Variants in B2M observed in about 807,000 individuals in gnomAD.
The protein encoded by B2M is beta chain of MHC class I molecules.
A neutral mutation model predicts 14.5 loss-of-function variants in B2M; 3 were observed. That is an observed-to-expected ratio of 0.21 (90% confidence interval 0.09 to 0.53). The LOEUF is 0.53. Ranked by LOEUF, B2M falls within the 20% of genes least tolerant of loss-of-function variation. The pLI is 0.95. For synonymous variants in B2M, 45 were observed against 52.7 expected (o/e 0.85, Z 0.64); for missense variants, 107 against 140.8 (o/e 0.76, Z 1.21).
At chr15:44,714,880 G>T in intron 1 of B2M, 1 of 194,930 alleles carries the variant, frequency 5.1e-6, no homozygotes, top group Non-Finnish European at 1.1e-5. Flanking sequence ...TAGAAAATCA[G>T]ATGGGTGTAG....
At chr15:44,716,403 G>A in intron 3 of B2M, 47 bp downstream of exon 3, 1 of 1,537,586 alleles carries the variant, frequency 6.5e-7, no homozygotes, top group Non-Finnish European at 9.0e-7. Flanking sequence ...CTGTCCTGAG[G>A]ACTATTTATA....
chr15:44,711,925 G>T, intron 1 of B2M: 1 of 540,122 alleles, frequency 1.9e-6, no homozygotes, highest in South Asian at 2.0e-5. Flanking sequence ...GAGGTTGGGG[G>T]AGGGTTTCTC....
intron 1 of B2M, chr15:44,713,340 A>T (rs1740523095): frequency 6.6e-6 from 1 of 152,240 alleles, no homozygotes; most frequent in Admixed American, 6.5e-5. Context: ...TAACAATCTG[A>T]TATTTAAAAA....
At chr15:44,716,175 C>T (rs1021894656) in intron 2 of B2M, 154 bp from the exon 3 acceptor site, 2 of 854,216 alleles carry the variant, frequency 2.3e-6, no homozygotes, top group Non-Finnish European at 3.7e-6. Flanking sequence ...GGGCTTGTTC[C>T]TGCTGGGTAG....
Position 44,715,519 on chromosome 15 carries a change from T to C in B2M, c.164T>C (p.Ile55Thr), listed in dbSNP as rs772710534. ...GTGTCTGGGTTTCATCCATCCGACA[T>C]TGAAGTTGACTTACTGAAGAATGGA... is the stretch of plus-strand genomic sequence containing the variant. The part of the protein sequence containing the change: ...CYVSGFHPSD[I>T]EVDLLKNGER... The change falls in exon 2 of 4, where the codon ATT becomes ACT. Residue 55 changes from isoleucine to threonine, a missense_variant. By Grantham distance (89) the Ile-to-Thr change is moderately conservative (BLOSUM62 -1). Transcript: ENST00000648006. 17 of 1,614,078 alleles carry C rather than the reference T, an allele frequency of 1.1e-5. No homozygotes were observed. The Admixed American group carries it at 2.0e-4, about 19-fold the overall frequency.
intron 1 of B2M, 103 bp downstream of exon 1, chr15:44,711,716 TCTC>T: frequency 2.9e-6 from 4 of 1,399,600 alleles, no homozygotes; most frequent in Non-Finnish European, 4.0e-6. Flanking sequence ...TTCTCCAAGT[TCTC>T]CTTGGTGGCC....
At chr15:44,716,828 A>G (rs1437460650) in intron 3 of B2M, 5 of 163,000 alleles carry the variant, frequency 3.1e-5, no homozygotes, top group African/African-American at 2.4e-5. Context: ...CCAGGCCACT[A>G]GAGGAGATAA....
intron 3 of B2M, 74 bp from the exon 4 acceptor site, chr15:44,717,533 T>C (rs895057313): frequency 2.6e-5 from 4 of 152,246 alleles, no homozygotes; most frequent in Non-Finnish European, 5.9e-5. Flanking sequence ...CAGTAGAAAT[T>C]AGACAAGTTT....
rs866666026 is a variant in B2M at position 44,711,700 on chromosome 15, C to G, written c.67+87C>G. 4.1e-6 allele frequency: 6 copies of G among 1,472,664 alleles called. No homozygotes were observed. The Middle Eastern group carries it at 5.2e-4, about 127-fold the overall frequency. The allele number at this position is 1,472,664 out of a possible 1,614,324, so 91.2% of individuals were successfully genotyped here. On this transcript the variant is annotated intron_variant, in intron 1 of 3. Coordinates refer to ENST00000648006, the MANE Select transcript of B2M (RefSeq NM_004048.4). ...CTCGCTGTGCTCTCTCGCTCCGTGA[C>G]TTCCCTTCTCCAAGTTCTCCTTGGT...
chr15:44,716,411 A>G, intron 3 of B2M, 55 bp downstream of exon 3: 5 of 1,505,834 alleles, frequency 3.3e-6, no homozygotes, highest in East Asian at 2.3e-5. Flanking sequence ...AGGACTATTT[A>G]TAGACAGCTC....
In B2M at chr15:44,711,573, G is replaced by A. The variant is rs552741313; in HGVS notation, c.27G>A (p.Val9=). The A allele has an allele frequency of 1.4e-5, 22 of 1,613,896 alleles. No individual in the cohort carries two copies. The highest frequency in any genetic ancestry group is 4.4e-5 in the South Asian group (4 of 91,084). MSRSVALA[V]LALLSLSGLE... ...TGTCTCGCTCCGTGGCCTTAGCTGT[G>A]CTCGCGCTACTCTCTCTTTCTGGCC... Residue 9 remains valine (V), a synonymous_variant, in exon 1 of 4, where the codon GTG becomes GTA. Coordinates refer to ENST00000648006, the MANE Select transcript of B2M (RefSeq NM_004048.4).
At chr15:44,712,107 C>G (rs2086880264) in intron 1 of B2M, 1 of 297,188 alleles carries the variant, frequency 3.4e-6, no homozygotes, top group Non-Finnish European at 6.7e-6. Context: ...TTCCCTTAGA[C>G]TGGAGAGCTG....
At chr15:44,716,441 A>G (rs2086942466) in intron 3 of B2M, 85 bp downstream of exon 3, 4 of 1,341,136 alleles carry the variant, frequency 3.0e-6, no homozygotes, top group Admixed American at 3.4e-5. Flanking sequence ...AACCCTCACT[A>G]TGTGGAGAAC....
rs1480065398 is a variant in B2M, at chr15:44,711,690, C to T, written c.67+77C>T. 6.7e-6 allele frequency: 10 copies of T among 1,498,556 alleles called. No homozygotes were observed. The Admixed American group carries it at 1.2e-4, about 18-fold the overall frequency. The allele number at this position is 1,498,556 out of a possible 1,614,324, so 92.8% of individuals were successfully genotyped here. ...CTCTGTGGCCCTCGCTGTGCTCTCT[C>T]GCTCCGTGACTTCCCTTCTCCAAGT... On this transcript the variant is annotated intron_variant, in intron 1 of 3. Transcript: ENST00000648006.
At chr15:44,712,839 A>T (rs1418071460) in intron 1 of B2M, 3 of 152,004 alleles carry the variant, frequency 2.0e-5, no homozygotes, top group Non-Finnish European at 4.4e-5. Context: ...CTCTACAAAA[A>T]ATAATAACAA....
At chr15:44,712,535 G>T (rs1004444280) in intron 1 of B2M, among the ~76,000 whole-genome samples, 1 of 152,218 alleles carries the variant, frequency 6.6e-6, no homozygotes, top group African/African-American at 2.4e-5. Context: ...CATGCCTTTT[G>T]GCTGTAATTC....
At chr15:44,715,793 T>G in intron 2 of B2M, 92 bp downstream of exon 2, 1 of 1,472,350 alleles carries the variant, frequency 6.8e-7, no homozygotes, top group African/African-American at 1.4e-5. Flanking sequence ...TCTATGGCCA[T>G]ACTACCCTGA....
At chr15:44,715,809 T>C in intron 2 of B2M, 108 bp downstream of exon 2, 2 of 1,207,882 alleles carry the variant, frequency 1.7e-6, no homozygotes, top group Non-Finnish European at 2.4e-6. Context: ...CCTGAATGAG[T>C]CCCATCCCAT....
chr15:44,716,950 G>A (rs1402415130), intron 3 of B2M: 1 of 152,932 alleles, frequency 6.5e-6, no homozygotes, highest in East Asian at 1.9e-4. Context: ...ATCTTTAGTT[G>A]GAGTCCAAAG....
Sources: gnomAD v4.1 joint callset for allele counts (sites outside exome capture counted in the v4.1 genomes callset) on GRCh38, gnomAD v4.1.1 for gene constraint, MANE v1.5 for transcripts, NCBI Gene and HGNC (gene_info 2026-07-23, HGNC 2026-07-21) for gene names.